Variants in TNIP2 observed in about 807,000 individuals in gnomAD.
The protein encoded by TNIP2 is TNFAIP3-interacting protein 2.
TNIP2 carries 30 observed loss-of-function variants against 43.7 expected under a neutral mutation model. That is an observed-to-expected ratio of 0.69 (90% CI 0.51 to 0.93). TNIP2 has a LOEUF of 0.93. Among genes scored for constraint, TNIP2 ranks in the 40% least tolerant of loss-of-function variants. TNIP2 has a pLI of 0.00. For synonymous variants in TNIP2, 260 were observed against 254.6 expected, an observed-to-expected ratio of 1.02 and a Z score of -0.20; for missense variants, 599 against 591.0, an observed-to-expected ratio of 1.01 and a Z score of -0.14.
intron 1 of TNIP2, among the ~76,000 whole-genome samples, chr4:2,748,431 C>G (rs1387567137): frequency 6.6e-6 from 1 of 152,214 alleles, no homozygotes; most frequent in Non-Finnish European, 1.5e-5. Context: ...CAAGCTCCGC[C>G]TCAGAGGTTC....
At position 2,743,944 on chromosome 4, in the gene TNIP2, C is replaced by T. The variant is rs1023607224; in HGVS notation, c.1026+443G>A. On this transcript the variant is annotated intron_variant, in intron 5 of 5. Coordinates refer to ENST00000315423, the MANE Select transcript of TNIP2 (RefSeq NM_024309.4). ...GAGCCCAGGGGTGGGGTGAGGGGCC[C>T]CTGCCCTGCAAGGCCCAGCTCCACG... Among the ~76,000 whole-genome samples, 62 of 152,206 alleles carry T rather than the reference C, an allele frequency of 4.1e-4. 5 individuals carry two copies. The highest frequency in any genetic ancestry group is 2.6e-3 in the Admixed American group (40 of 15,288).
intron 1 of TNIP2, 114 bp from the exon 2 acceptor site, chr4:2,748,059 CAT>C (rs1373064922): frequency 5.4e-6 from 6 of 1,108,622 alleles, no homozygotes; most frequent in South Asian, 1.5e-5. Flanking sequence ...CAGACACAAA[CAT>C]ACTCACTCAG....
At chr4:2,753,880 G>T (rs1441008018) in intron 1 of TNIP2, among the ~76,000 whole-genome samples, 1 of 152,184 alleles carries the variant, frequency 6.6e-6, no homozygotes, top group Non-Finnish European at 1.5e-5. Context: ...ACTGGCTGCT[G>T]AAAGTATTTT....
chr4:2,748,588 T>C (rs1302810935), intron 1 of TNIP2, among the ~76,000 whole-genome samples: 3 of 151,986 alleles, frequency 2.0e-5, no homozygotes, highest in African/African-American at 7.2e-5. Flanking sequence ...ATGATCCGCC[T>C]ACCTCGGCAT....
chr4:2,748,236 C>A lies in TNIP2; in HGVS notation c.277-291G>T, dbSNP rs141164371. Among the ~76,000 whole-genome samples, 1,172 of 152,040 alleles carry A rather than the reference C, an allele frequency of 7.7e-3. 21 individuals are homozygous for A. Among genetic ancestry groups the A allele is most frequent in the African/African-American group, 0.026 (1,095 of 41,442 alleles). ...TGTTGCCCAGGCTGGAGTGCAATGG[C>A]ACAATCTTGGCTCGCTGCAACCTCC... On this transcript the variant is annotated intron_variant, in intron 1 of 5. Coordinates refer to ENST00000315423, the MANE Select transcript of TNIP2 (RefSeq NM_024309.4).
At chr4:2,745,421 C>G (rs774034812) in intron 3 of TNIP2, 25 bp downstream of exon 3, 2 of 1,570,502 alleles carry the variant, frequency 1.3e-6, no homozygotes, top group Admixed American at 1.7e-5. Flanking sequence ...GTGTTCTTCT[C>G]AAACGAAATG....
At position 2,756,227 on chromosome 4, in the gene TNIP2, GC is replaced by G; in HGVS notation, c.62del (p.Cys21SerfsTer43). The G allele has an allele frequency of 6.8e-7, 1 of 1,461,018 alleles. No individual in the cohort carries two copies. Among genetic ancestry groups the G allele is most frequent in the Non-Finnish European group, 9.0e-7 (1 of 1,113,328 alleles). The allele number at this position is 1,461,018 out of a possible 1,614,324, so 90.5% of individuals were successfully genotyped here. A position where few individuals can be genotyped will look rare whatever the true frequency, so the allele number is the denominator to read the frequency against. On this transcript the variant is annotated frameshift_variant, in exon 1 of 6. Transcript: ENST00000315423. LOFTEE classifies it high-confidence loss of function. ...GCTGTCCGGCCTCGTGGTACAGGGT[GC>G]AGAGCGCGGCAGCTGCGCGCGGGGC... Reference protein sequence around the residue: ...EEAPRAAAALCTLYHEAGQRL... With the variant: ...EEAPRAAAALXTLYHEAGQRL...
intron 2 of TNIP2, 44 bp downstream of exon 2, chr4:2,747,611 G>A: frequency 6.4e-7 from 1 of 1,559,388 alleles, no homozygotes; most frequent in Non-Finnish European, 8.7e-7. Flanking sequence ...GATGCTCCCA[G>A]CACACAGAGG....
intron 1 of TNIP2, among the ~76,000 whole-genome samples, chr4:2,752,049 G>A (rs1184455701): frequency 6.7e-6 from 1 of 150,126 alleles, no homozygotes; most frequent in Non-Finnish European, 1.5e-5. Context: ...AGGTTGCACT[G>A]AGCCAAGATC....
rs1721797771 is a variant in TNIP2, at chr4:2,741,972, G to C, written c.*285C>G. 1 of 307,992 alleles carries C rather than the reference G, an allele frequency of 3.2e-6. No individual in the cohort carries two copies. The highest frequency in any genetic ancestry group is 6.0e-6 in the Non-Finnish European group (1 of 167,958). The allele number at this position is 307,992 out of a possible 1,614,324, so 19.1% of individuals were successfully genotyped here. ...GGGAGGGGCTGGCACACCAGCACCAGATAGCTCTGGCTTAAGCCTGATGGA... is the reference window on the plus strand; with the variant it reads ...GGGAGGGGCTGGCACACCAGCACCACATAGCTCTGGCTTAAGCCTGATGGA... On this transcript the variant is annotated 3_prime_UTR_variant, in exon 6 of 6. Coordinates refer to ENST00000315423, the MANE Select transcript of TNIP2 (RefSeq NM_024309.4).
At position 2,747,852 on chromosome 4, in the gene TNIP2, C is replaced by T. The variant is rs762021093; in HGVS notation, c.370G>A (p.Val124Ile). The T allele has an allele frequency of 1.4e-5, 22 of 1,613,710 alleles. No individual in the cohort carries two copies. The Admixed American group carries it at 1.5e-4, about 11-fold the overall frequency. ...QPQHEREKEV[V>I]LLRRSMAEGE... ...TCTGCCATGCTCCTCCGTAGCAGGACGACTTCCTTCTCTCGCTCGTGTTGG... is the reference window on the plus strand; with the variant it reads ...TCTGCCATGCTCCTCCGTAGCAGGATGACTTCCTTCTCTCGCTCGTGTTGG... Residue 124 changes from valine (V) to isoleucine (I), a missense_variant, in exon 2 of 6, where the codon GTC becomes ATC. Transcript: ENST00000315423.
chr4:2,744,593 C>T lies in TNIP2; in HGVS notation c.907-87G>A. On this transcript the variant is annotated intron_variant, in intron 4 of 5. Transcript: ENST00000315423. This position sits in a 1 kb window ranked among gnomAD's most constrained non-coding sequence, Gnocchi z 5.1. ...TCCCACCCCCACAGTGACCACTGCC[C>T]ACTCAGTGCCACCAAGCCTTCAGCC... The T allele has an allele frequency of 6.3e-7, 1 of 1,598,102 alleles. No homozygotes were observed. Among genetic ancestry groups the T allele is most frequent in the Non-Finnish European group, 8.5e-7 (1 of 1,173,668 alleles).
At chr4:2,742,672 G>C (rs1419277965) in intron 5 of TNIP2, 152 bp from the exon 6 acceptor site, 4 of 775,210 alleles carry the variant, frequency 5.2e-6, no homozygotes, top group Admixed American at 3.3e-5. Context: ...GCCCAGACAA[G>C]GGGGCGCTCA....
chr4:2,752,570 G>A (rs1427131761), intron 1 of TNIP2, among the ~76,000 whole-genome samples: 8 of 152,038 alleles, frequency 5.3e-5, no homozygotes, highest in Non-Finnish European at 1.2e-4. Context: ...GCTCCTAACG[G>A]GCTCTCATAG....
chr4:2,755,311 AC>A (rs1229429049), intron 1 of TNIP2, among the ~76,000 whole-genome samples: 2 of 149,508 alleles, frequency 1.3e-5, no homozygotes, highest in Non-Finnish European at 3.0e-5. Flanking sequence ...GCATACACAC[AC>A]CCCCCTCGGA....
At chr4:2,750,351 C>T (rs751321392) in intron 1 of TNIP2, among the ~76,000 whole-genome samples, 1 of 151,874 alleles carries the variant, frequency 6.6e-6, no homozygotes, top group Non-Finnish European at 1.5e-5. Context: ...AGAATGTTCT[C>T]ATCACAATGG....
intron 1 of TNIP2, among the ~76,000 whole-genome samples, chr4:2,752,260 C>T (rs186941081): frequency 9.9e-5 from 15 of 152,240 alleles, no homozygotes; most frequent in Non-Finnish European, 1.6e-4. Flanking sequence ...AAGCTGGTCC[C>T]GAGAATGGTG....
At position 2,747,792 on chromosome 4, in the gene TNIP2, A is replaced by G; in HGVS notation, c.430T>C (p.Cys144Arg). 1 of 1,612,534 alleles carries G rather than the reference A, an allele frequency of 6.2e-7. No homozygotes were observed. The highest frequency in any genetic ancestry group is 1.1e-5 in the South Asian group (1 of 91,080). Residue 144 changes from cysteine (C) to arginine (R), a missense_variant, in exon 2 of 6, where the codon TGC becomes CGC. Physicochemically the swap from Cys to Arg is radical, Grantham distance 180. Coordinates refer to ENST00000315423, the MANE Select transcript of TNIP2 (RefSeq NM_024309.4). ...ERARAASDVL[C>R]RSLANETHQL... Reference sequence around the variant, plus strand: ...TGGGTCTCGTTGGCCAAGGAGCGGCACAGGACGTCACTGGCGGCCCGGGCG... The same window carrying G: ...TGGGTCTCGTTGGCCAAGGAGCGGCGCAGGACGTCACTGGCGGCCCGGGCG...
intron 1 of TNIP2, among the ~76,000 whole-genome samples, chr4:2,751,032 G>A (rs1364328522): frequency 1.3e-5 from 2 of 152,168 alleles, no homozygotes; most frequent in East Asian, 1.9e-4. Flanking sequence ...CGCTCAACCC[G>A]TGGGGGCAGG....
Sources: gnomAD v4.1 joint callset for allele counts (sites outside exome capture counted in the v4.1 genomes callset) on GRCh38, gnomAD v4.1.1 for gene constraint, Gnocchi (gnomAD v3.1) non-coding constraint, MANE v1.5 for transcripts, NCBI Gene and HGNC (gene_info 2026-07-23, HGNC 2026-07-21) for gene names.